The following TSPEAR variants were observed in gnomAD, a reference collection of about 807,000 sequenced individuals.
TSPEAR encodes thrombospondin-type laminin G domain and EAR repeat-containing protein.
In TSPEAR, 69 loss-of-function variants were observed where a neutral mutation model predicts 71.6. The observed-to-expected ratio is 0.96, with a 90% CI of 0.79 to 1.18. The LOEUF is 1.18. TSPEAR is among the 50% of genes most tolerant of loss of function. TSPEAR has a pLI of 0.00. For missense variants in TSPEAR, 971 were observed against 894.9 expected, an observed-to-expected ratio of 1.09 and a Z score of -1.09; for synonymous variants, 402 against 387.2, an observed-to-expected ratio of 1.04 and a Z score of -0.45.
At chr21:44,550,110 G>C (rs1555918311) in intron 2 of TSPEAR, among the ~76,000 whole-genome samples, 1 of 152,280 alleles carries the variant, frequency 6.6e-6, no homozygotes, top group African/African-American at 2.4e-5. Context: ...GCGTTGGCCT[G>C]AGTCATGTGG....
At position 44,637,739 on chromosome 21, in the gene TSPEAR, G is replaced by C. The variant is rs191143712; in HGVS notation, c.83-69734C>G. The C allele has an allele frequency of 2.2e-6, 3 of 1,337,964 alleles. No individual in the cohort carries two copies. The African/African-American group carries it at 4.8e-5, about 21-fold the overall frequency. 82.9% of individuals were successfully genotyped at this position (1,337,964 alleles called of 1,614,324 possible). On this transcript the variant is annotated intron_variant, in intron 1 of 11. Transcript: ENST00000323084. ...CTGTGTGCCCGTCTGCTGCGTGCCC[G>C]TCTGTAACAAGCCTGTGTGCTTCGT...
intron 1 of TSPEAR, chr21:44,628,049 G>C: frequency 6.2e-7 from 1 of 1,610,794 alleles, no homozygotes; most frequent in Non-Finnish European, 8.5e-7. Context: ...TCCAGCTGCT[G>C]ACGGTCATGT....
intron 1 of TSPEAR, among the ~76,000 whole-genome samples, chr21:44,624,342 T>G (rs1173340322): frequency 6.6e-6 from 1 of 152,248 alleles, no homozygotes; most frequent in African/African-American, 2.4e-5. Context: ...AATTCCAGTT[T>G]GACAATTCTA....
chr21:44,559,711 T>C (rs971325294), intron 2 of TSPEAR, among the ~76,000 whole-genome samples: 2 of 152,206 alleles, frequency 1.3e-5, no homozygotes, highest in African/African-American at 4.8e-5. Context: ...TATCAGCCCA[T>C]GCCTGTGCCC....
chr21:44,683,756 C>T (rs1318406043), intron 1 of TSPEAR, among the ~76,000 whole-genome samples: 1 of 152,158 alleles, frequency 6.6e-6, no homozygotes, highest in Non-Finnish European at 1.5e-5. Flanking sequence ...AGATATTGGA[C>T]ATGGCAAATG....
intron 1 of TSPEAR, among the ~76,000 whole-genome samples, chr21:44,668,433 T>C (rs4818729): frequency 0.19 from 29,500 of 152,216 alleles, 2,964 homozygotes; most frequent in Non-Finnish European, 0.21. Context: ...TGTTCATGAA[T>C]TGGAAATTAA....
At chr21:44,575,016 C>T (rs1569196041) in intron 1 of TSPEAR, 3 of 1,596,486 alleles carry the variant, frequency 1.9e-6, no homozygotes, top group East Asian at 4.5e-5. Flanking sequence ...AGGTCAGAAG[C>T]CCAGCTGCTG....
rs940092078 is a variant in TSPEAR, at chr21:44,518,102, G to A, written c.1566+3781C>T. Among the ~76,000 whole-genome samples the A allele has an allele frequency of 7.9e-5, 12 of 152,262 alleles. No individual in the cohort carries two copies. The South Asian group carries it at 8.3e-4, about 11-fold the overall frequency. On this transcript the variant is annotated intron_variant, in intron 9 of 11. Coordinates refer to ENST00000323084, the MANE Select transcript of TSPEAR (RefSeq NM_144991.3). ...TAATGCCAGCAATTGCATTTTTAAT[G>A]TCCAAGCTCTCTGTCTCATTAGTAG...
At chr21:44,688,345 A>ACCATTC (rs1986953778) in intron 1 of TSPEAR, among the ~76,000 whole-genome samples, 1 of 152,180 alleles carries the variant, frequency 6.6e-6, no homozygotes, top group Non-Finnish European at 1.5e-5. Flanking sequence ...GACCCAGCCC[A>ACCATTC]CCATTCCCAT....
intron 2 of TSPEAR, among the ~76,000 whole-genome samples, chr21:44,538,204 G>A (rs975528485): frequency 6.6e-6 from 1 of 152,166 alleles, no homozygotes; most frequent in Non-Finnish European, 1.5e-5. Context: ...TCTGAGGACT[G>A]ACTGCTCTGC....
chr21:44,551,009 GCACA>G (rs1555918668), intron 2 of TSPEAR: 1 of 1,610,882 alleles, frequency 6.2e-7, no homozygotes. Context: ...TGGGCACGCA[GCACA>G]CAGCTTTGCA....
At chr21:44,511,239 C>A (rs970132711) in intron 9 of TSPEAR, among the ~76,000 whole-genome samples, 4 of 152,070 alleles carry the variant, frequency 2.6e-5, no homozygotes, top group Non-Finnish European at 5.9e-5. Flanking sequence ...CCTGCACACA[C>A]AGGCCCATAC....
intron 1 of TSPEAR, chr21:44,591,576 G>A (rs587763743): frequency 1.2e-5 from 19 of 1,613,058 alleles, no homozygotes; most frequent in Middle Eastern, 3.3e-4. Context: ...GGAGGGACAC[G>A]GAGGAGGAGG....
At chr21:44,676,084 C>T (rs1381538329) in intron 1 of TSPEAR, 81 of 873,684 alleles carry the variant, frequency 9.3e-5, no homozygotes, top group Admixed American at 7.7e-4. Flanking sequence ...GTAATTTAAA[C>T]GTGTTTATAT....
intron 10 of TSPEAR, among the ~76,000 whole-genome samples, chr21:44,505,567 TCCCCCCCCCCC>T (rs1270275295): frequency 2.4e-4 from 2 of 8,480 alleles, no homozygotes; most frequent in Non-Finnish European, 9.1e-4. Flanking sequence ...CCCTCCCCCC[TCCCCCCCCCCC>T]CCCCCCCAGC....
intron 2 of TSPEAR, among the ~76,000 whole-genome samples, chr21:44,534,163 A>G (rs1189734811): frequency 3.3e-5 from 2 of 60,520 alleles, no homozygotes; most frequent in Non-Finnish European, 6.0e-5. Flanking sequence ...CCAGGGGTGG[A>G]GCTGGTGTGA....
rs1228157872 is a variant in TSPEAR at position 44,527,391 on chromosome 21, T to C, written c.1050A>G (p.Thr350=). Residue 350 remains threonine, a synonymous_variant, in exon 7 of 12, where the codon ACA becomes ACG. Transcript: ENST00000323084. ...CTTCGGTCCACTTGTAGACGGCGGA[T>C]GTGGCTTTGCGATTGGCTGTGGCCA... ...LFVATANRKA[T]SAVYKWTEEK... is the part of the protein sequence containing the mutation. 9 of 1,614,112 alleles carry C rather than the reference T, an allele frequency of 5.6e-6. No homozygotes were observed. Among genetic ancestry groups the C allele is most frequent in the Non-Finnish European group, 6.8e-6 (8 of 1,180,054 alleles).
rs782441627 is a variant in TSPEAR at position 44,600,709 on chromosome 21, G to A, written c.83-32704C>T. The A allele has an allele frequency of 1.3e-4, 215 of 1,613,152 alleles. No individual in the cohort carries two copies. Among genetic ancestry groups the A allele is most frequent in the Non-Finnish European group, 1.7e-4 (197 of 1,179,948 alleles). On this transcript the variant is annotated intron_variant, in intron 1 of 11. Transcript: ENST00000323084. ...TCCTGGTTCCTGTGACTCTTGCTCC[G>A]ACTCCTGGCAGGTGGACGACTGCCC...
At chr21:44,637,415 A>G in intron 1 of TSPEAR, 1 of 1,599,560 alleles carries the variant, frequency 6.3e-7, no homozygotes, top group Non-Finnish European at 8.5e-7. Flanking sequence ...TCCCCACTCC[A>G]GCATGGCCGC....
Sources: gnomAD v4.1 joint callset for allele counts (sites outside exome capture counted in the v4.1 genomes callset) on GRCh38, gnomAD v4.1.1 for gene constraint, MANE v1.5 for transcripts, NCBI Gene and HGNC (gene_info 2026-07-23, HGNC 2026-07-21) for gene names.